FHIT: variants seen among roughly 807,000 people sequenced by gnomAD.
The protein encoded by FHIT is bis(5'-adenosyl)-triphosphatase.
In FHIT, 19 loss-of-function variants were observed where a neutral mutation model predicts 17.9. The observed-to-expected ratio is 1.06, with a 90% confidence interval of 0.74 to 1.56. FHIT has a LOEUF of 1.56. Ranked by LOEUF, FHIT falls within the 40% of genes most tolerant of loss-of-function variation. The pLI is 0.00. For synonymous variants in FHIT, 81 were observed against 69.7 expected, an observed-to-expected ratio of 1.16 and a Z score of -0.81; for missense variants, 248 against 189.2, an observed-to-expected ratio of 1.31 and a Z score of -1.82.
chr3:60,725,959 A>G (rs1559673334), intron 4 of FHIT, among the ~76,000 whole-genome samples: 4 of 152,180 alleles, frequency 2.6e-5, no homozygotes, highest in Non-Finnish European at 5.9e-5. Context: ...TAGGTCATAG[A>G]ACAAGCAGGA....
At chr3:61,134,131 A>AC (rs1396881564) in intron 2 of FHIT, among the ~76,000 whole-genome samples, 25 of 151,352 alleles carry the variant, frequency 1.7e-4, no homozygotes, top group South Asian at 1.5e-3. Context: ...ACACACACAC[A>AC]AAGAGGTCAA....
At chr3:61,014,793 A>AT (rs2031994582) in intron 3 of FHIT, among the ~76,000 whole-genome samples, 1 of 85,058 alleles carries the variant, frequency 1.2e-5, no homozygotes, top group Non-Finnish European at 2.9e-5. Flanking sequence ...AAAAAAAAAA[A>AT]AAAAAAAAAA....
At chr3:60,831,883 A>G (rs551111012) in intron 3 of FHIT, among the ~76,000 whole-genome samples, 1 of 152,218 alleles carries the variant, frequency 6.6e-6, no homozygotes, top group East Asian at 1.9e-4. Flanking sequence ...GGCTTCTTTC[A>G]GCAATAGGGC....
chr3:59,988,957 CAATGAATACA>C (rs1190000350), intron 7 of FHIT, among the ~76,000 whole-genome samples: 2 of 152,036 alleles, frequency 1.3e-5, no homozygotes, highest in East Asian at 3.9e-4. Context: ...AATTTCAGCT[CAATGAATACA>C]AATGAATGCT....
chr3:60,979,212 C>T (rs1710385651), intron 3 of FHIT, among the ~76,000 whole-genome samples: 1 of 152,164 alleles, frequency 6.6e-6, no homozygotes, highest in Non-Finnish European at 1.5e-5. Flanking sequence ...CTCTCTCCTC[C>T]AATCTGAAAT....
intron 2 of FHIT, among the ~76,000 whole-genome samples, chr3:61,049,885 T>C (rs939023097): frequency 3.3e-5 from 5 of 152,102 alleles, no homozygotes; most frequent in African/African-American, 9.7e-5. Context: ...GTGCCCTCCT[T>C]ATACATGGAG....
chr3:60,036,275 C>T (rs763684904), intron 5 of FHIT, among the ~76,000 whole-genome samples: 1 of 152,204 alleles, frequency 6.6e-6, no homozygotes, highest in African/African-American at 2.4e-5. Flanking sequence ...GATTCCACCT[C>T]CTCCTAAAAG....
At chr3:60,335,374 C>G (rs981658650) in intron 5 of FHIT, among the ~76,000 whole-genome samples, 2 of 152,168 alleles carry the variant, frequency 1.3e-5, no homozygotes, top group African/African-American at 2.4e-5. Context: ...TGTCTTCCCC[C>G]TTGACCAAGG....
At chr3:60,026,238 T>C (rs959051990) in intron 5 of FHIT, among the ~76,000 whole-genome samples, 4 of 152,270 alleles carry the variant, frequency 2.6e-5, no homozygotes, top group Admixed American at 1.3e-4. Context: ...ACCTACTTCA[T>C]TGGGATGTTA....
Position 59,975,304 on chromosome 3 carries a change from G to A in FHIT, c.279+36067C>T, listed in dbSNP as rs190908153. On this transcript the variant is annotated intron_variant, in intron 7 of 9. Coordinates refer to ENST00000492590, the MANE Select transcript of FHIT (RefSeq NM_002012.4). Reference sequence around the variant, plus strand: ...ACCTAAGTCCCAAACCTTATGAAGTGTTTATCTTGGGCAAGTCTCTTAAAC... The same window carrying A: ...ACCTAAGTCCCAAACCTTATGAAGTATTTATCTTGGGCAAGTCTCTTAAAC... Among the ~76,000 whole-genome samples the A allele has an allele frequency of 2.6e-5, 4 of 152,112 alleles. No individual in the cohort carries two copies. The East Asian group carries it at 7.8e-4, about 30-fold the overall frequency.
intron 4 of FHIT, among the ~76,000 whole-genome samples, chr3:60,644,263 T>C (rs1486545665): frequency 6.6e-6 from 1 of 152,232 alleles, no homozygotes; most frequent in African/African-American, 2.4e-5. Flanking sequence ...TTTTTCTTCA[T>C]AGGTGTTTGC....
At chr3:60,347,872 C>T (rs576691482) in intron 5 of FHIT, among the ~76,000 whole-genome samples, 55 of 152,178 alleles carry the variant, frequency 3.6e-4, no homozygotes, top group African/African-American at 1.0e-3. Context: ...GATTCTCCTG[C>T]CTCAGCCTCC....
chr3:60,386,038 G>A (rs1444630653), intron 5 of FHIT, among the ~76,000 whole-genome samples: 1 of 152,156 alleles, frequency 6.6e-6, no homozygotes, highest in Non-Finnish European at 1.5e-5. Flanking sequence ...CAGGGTAACT[G>A]ATCCATGGGT....
At chr3:60,972,886 T>C (rs564500120) in intron 3 of FHIT, among the ~76,000 whole-genome samples, 2 of 152,208 alleles carry the variant, frequency 1.3e-5, no homozygotes, top group African/African-American at 4.8e-5. Flanking sequence ...CTTACTGTAA[T>C]TTTAACTTTC....
chr3:60,537,425 T>C, intron 4 of FHIT: 1 of 962,058 alleles, frequency 1.0e-6, no homozygotes, highest in Non-Finnish European at 1.2e-6. Context: ...GTTCATATAA[T>C]AGCAATTTAG....
chr3:60,812,423 G>T (rs1163553763), intron 4 of FHIT, among the ~76,000 whole-genome samples: 1 of 152,042 alleles, frequency 6.6e-6, no homozygotes, highest in Non-Finnish European at 1.5e-5. Flanking sequence ...GCCTCCCAAA[G>T]TGGGATTACA....
intron 5 of FHIT, among the ~76,000 whole-genome samples, chr3:60,343,190 G>C (rs550436491): frequency 1.4e-4 from 22 of 152,232 alleles, no homozygotes; most frequent in African/African-American, 4.8e-4. Flanking sequence ...AGGGTGCCTA[G>C]TAGACCAATA....
chr3:60,703,088 C>G (rs1267343044), intron 4 of FHIT, among the ~76,000 whole-genome samples: 3 of 152,038 alleles, frequency 2.0e-5, no homozygotes, highest in South Asian at 2.1e-4. Context: ...TAGAGCGGCC[C>G]CTACCCAATG....
intron 4 of FHIT, among the ~76,000 whole-genome samples, chr3:60,780,458 G>A (rs1347500455): frequency 6.6e-6 from 1 of 152,132 alleles, no homozygotes; most frequent in Non-Finnish European, 1.5e-5. Flanking sequence ...CTCTACGTGT[G>A]CAAACTGGCA....
Sources: gnomAD v4.1 joint callset for allele counts (sites outside exome capture counted in the v4.1 genomes callset) on GRCh38, gnomAD v4.1.1 for gene constraint, MANE v1.5 for transcripts, NCBI Gene and HGNC (gene_info 2026-07-23, HGNC 2026-07-21) for gene names.